SHISAL1: variants seen among roughly 807,000 people sequenced by gnomAD.
SHISAL1 encodes the protein shisa like 1, also known as protein shisa-like-1.
SHISAL1 carries 9 observed loss-of-function variants against 22.6 expected under a neutral mutation model. That is an observed-to-expected ratio of 0.40 (90% CI 0.24 to 0.70). The LOEUF is 0.70. Ranked by LOEUF, SHISAL1 falls within the 30% of genes least tolerant of loss-of-function variation. The pLI is 0.39. For synonymous variants in SHISAL1, 119 were observed against 115.4 expected (o/e 1.03, Z -0.20); for missense variants, 246 against 270.6 (o/e 0.91, Z 0.64).
intron 4 of SHISAL1, among the ~76,000 whole-genome samples, chr22:44,274,534 G>A (rs1268630131): frequency 2.0e-5 from 3 of 152,122 alleles, no homozygotes; most frequent in Non-Finnish European, 4.4e-5. Flanking sequence ...TGGGATTGGT[G>A]TTATTTATCA....
chr22:44,265,155 C>A (rs1328921610), intron 4 of SHISAL1, among the ~76,000 whole-genome samples: 2 of 152,164 alleles, frequency 1.3e-5, no homozygotes, highest in East Asian at 3.9e-4. Context: ...AAGAATCTAC[C>A]TTCAGCTACT....
At chr22:44,316,980 G>T (rs1013758840), upstream of SHISAL1, among the ~76,000 whole-genome samples, 2 of 152,222 alleles carry the variant, frequency 1.3e-5, no homozygotes, top group South Asian at 2.1e-4. Flanking sequence ...GTGATTAAGC[G>T]AAGTTGCCTT....
In SHISAL1 at chr22:44,310,064, C is replaced by T. The variant is rs571444257; in HGVS notation, c.-33+2687G>A. Among the ~76,000 whole-genome samples, 2 of 152,236 alleles carry T rather than the reference C, an allele frequency of 1.3e-5. No homozygotes were observed. The highest frequency in any genetic ancestry group is 2.4e-5 in the African/African-American group (1 of 41,546). On this transcript the variant is annotated intron_variant, in intron 1 of 4. Coordinates refer to ENST00000381176, the MANE Select transcript of SHISAL1 (RefSeq NM_001099294.2). The surrounding 1 kb of genome is among the most constrained non-coding windows in gnomAD (Gnocchi z 4.0). ...GCCCGTTCGCCTGCAGCTGGGGTGC[C>T]GGGCTCCACGGCTGACAGTGAGTGA...
intron 3 of SHISAL1, among the ~76,000 whole-genome samples, chr22:44,286,574 C>A (rs1409510120): frequency 2.0e-5 from 3 of 152,226 alleles, no homozygotes; most frequent in Non-Finnish European, 4.4e-5. Context: ...CTACCTCCCA[C>A]CGGCCCTTTG....
chr22:44,307,455 C>G (rs574446620), intron 1 of SHISAL1, among the ~76,000 whole-genome samples: 1 of 152,156 alleles, frequency 6.6e-6, no homozygotes, highest in Non-Finnish European at 1.5e-5. Context: ...GCTTCTGAGG[C>G]CTCCTGAGGA....
intron 4 of SHISAL1, among the ~76,000 whole-genome samples, chr22:44,269,343 CCAT>C (rs543306330): frequency 4.7e-5 from 7 of 150,082 alleles, no homozygotes; most frequent in Non-Finnish European, 7.4e-5. Context: ...CATACACACA[CCAT>C]GTCACACAGA....
At chr22:44,260,322 C>T (rs901725460) in intron 4 of SHISAL1, among the ~76,000 whole-genome samples, 15 of 152,224 alleles carry the variant, frequency 9.9e-5, no homozygotes, top group African/African-American at 1.7e-4. Flanking sequence ...TGTTCGGTTA[C>T]GGCCTGATTT....
At chr22:44,327,046 G>A in the SHISAL1 span, among the ~76,000 whole-genome samples, 2 of 152,008 alleles carry the variant, frequency 1.3e-5, no homozygotes, top group African/African-American at 4.8e-5. Flanking sequence ...CCTTGAACAC[G>A]GTCCCAGCCC....
chr22:44,245,240 A>G lies in SHISAL1; in HGVS notation c.*4445T>C, dbSNP rs2054989028. On this transcript the variant is annotated 3_prime_UTR_variant, in exon 5 of 5. Transcript: ENST00000381176. Reference sequence around the variant, plus strand: ...AAACAACCCACGTGGATGTCTCCCTACAGTGATAGGGGGCCCTTCAACATT... The same window carrying G: ...AAACAACCCACGTGGATGTCTCCCTGCAGTGATAGGGGGCCCTTCAACATT... 6.6e-6 allele frequency: 1 copy of G among 152,228 alleles called. No individual in the cohort carries two copies. Among genetic ancestry groups the G allele is most frequent in the South Asian group, 2.1e-4 (1 of 4,834 alleles). The allele number at this position is 152,228 out of a possible 1,614,324, so 9.4% of individuals were successfully genotyped here. A position where few individuals can be genotyped will look rare whatever the true frequency, so the allele number is the denominator to read the frequency against.
rs563346000 is a variant in SHISAL1, at chr22:44,281,548, C to T, written c.599+3880G>A. 3.9e-5 allele frequency among the ~76,000 whole-genome samples: 6 copies of T among 152,258 alleles called. 1 individual carries two copies. In the South Asian group the frequency reaches 8.3e-4, roughly 21 times the overall value. On this transcript the variant is annotated intron_variant, in intron 4 of 4. Transcript: ENST00000381176. ...CCAAGGTGCTTAGAGAGGCTCTCTACGCCTGGGAGGAAAACCCAGGACCTC... is the reference window on the plus strand; with the variant it reads ...CCAAGGTGCTTAGAGAGGCTCTCTATGCCTGGGAGGAAAACCCAGGACCTC...
chr22:44,288,568 G>C (rs1316871939), intron 3 of SHISAL1, among the ~76,000 whole-genome samples: 1 of 152,240 alleles, frequency 6.6e-6, no homozygotes, highest in Non-Finnish European at 1.5e-5. Flanking sequence ...GTGAATGCGG[G>C]AGGTGGAGCT....
At chr22:44,330,062 C>T in the SHISAL1 span, among the ~76,000 whole-genome samples, 1 of 152,228 alleles carries the variant, frequency 6.6e-6, no homozygotes, top group South Asian at 2.1e-4. Flanking sequence ...ATTCACAGGA[C>T]ATTACTGACA....
chr22:44,287,796 G>A (rs1394770313), intron 3 of SHISAL1, among the ~76,000 whole-genome samples: 2 of 152,112 alleles, frequency 1.3e-5, no homozygotes, highest in Admixed American at 6.5e-5. Context: ...CATGTAGACC[G>A]AGGAGTCAGG....
chr22:44,270,692 G>A (rs2055199914), intron 4 of SHISAL1, among the ~76,000 whole-genome samples: 3 of 152,112 alleles, frequency 2.0e-5, no homozygotes, highest in African/African-American at 7.2e-5. Flanking sequence ...TCGGAAAGAA[G>A]AGCCGGACAC....
At chr22:44,277,768 C>T (rs954345251) in intron 4 of SHISAL1, among the ~76,000 whole-genome samples, 4 of 152,186 alleles carry the variant, frequency 2.6e-5, no homozygotes, top group Non-Finnish European at 5.9e-5. Flanking sequence ...TATGGGCCAC[C>T]GCCTGCTCCT....
At position 44,307,728 on chromosome 22, in the gene SHISAL1, A is replaced by C. The variant is rs12158841; in HGVS notation, c.-33+5023T>G. Among the ~76,000 whole-genome samples the C allele has an allele frequency of 4.9e-3, 753 of 152,304 alleles. 11 individuals are homozygous for C. Among genetic ancestry groups the C allele is most frequent in the African/African-American group, 0.017 (711 of 41,580 alleles). On this transcript the variant is annotated intron_variant, in intron 1 of 4. Coordinates refer to ENST00000381176, the MANE Select transcript of SHISAL1 (RefSeq NM_001099294.2). ...GCTCCGAGATTTGAAGGTTATTTTT[A>C]AACACCGAACTTGGCGAGGCTGGGG...
intron 4 of SHISAL1, among the ~76,000 whole-genome samples, chr22:44,282,191 G>A (rs1259951255): frequency 6.6e-6 from 1 of 152,248 alleles, no homozygotes; most frequent in Non-Finnish European, 1.5e-5. Flanking sequence ...CGAAGGCCTT[G>A]AGGCTGGGCC....
chr22:44,262,581 A>G (rs1451786860), intron 4 of SHISAL1, among the ~76,000 whole-genome samples: 1 of 152,236 alleles, frequency 6.6e-6, no homozygotes, highest in Admixed American at 6.5e-5. Context: ...TCAGAGAGAC[A>G]ATGTCACTAG....
intron 4 of SHISAL1, among the ~76,000 whole-genome samples, chr22:44,256,818 C>G (rs781232221): frequency 2.0e-5 from 3 of 152,096 alleles, no homozygotes; most frequent in Non-Finnish European, 4.4e-5. Context: ...CTCAACTCTA[C>G]AGAAATCAGG....
Sources: gnomAD v4.1 joint callset for allele counts (sites outside exome capture counted in the v4.1 genomes callset) on GRCh38, gnomAD v4.1.1 for gene constraint, Gnocchi (gnomAD v3.1) non-coding constraint, MANE v1.5 for transcripts, NCBI Gene and HGNC (gene_info 2026-07-23, HGNC 2026-07-21) for gene names.